The following AGMO variants were observed in gnomAD, a reference collection of about 807,000 sequenced individuals.
AGMO encodes the protein alkylglycerol monooxygenase, also known as glyceryl-ether monooxygenase.
A neutral mutation model predicts 60.2 loss-of-function variants in AGMO; 75 were observed. The ratio of observed to expected loss-of-function variants is 1.25; its 90% CI spans 1.03 to 1.51. The LOEUF (loss-of-function observed/expected upper bound fraction) is 1.51. Ranked by LOEUF, AGMO falls within the 40% of genes most tolerant of loss-of-function variation. The pLI, the probability that AGMO is intolerant of heterozygous loss-of-function variation, is 0.00. For synonymous variants in AGMO, 261 were observed against 177.1 expected (o/e 1.47, Z -3.76); for missense variants, 763 against 525.5 (o/e 1.45, Z -4.42).
intron 12 of AGMO, among the ~76,000 whole-genome samples, chr7:15,344,795 T>C (rs887632622): frequency 1.3e-5 from 2 of 152,216 alleles, no homozygotes; most frequent in East Asian, 3.8e-4. Flanking sequence ...ACTTGAGTAG[T>C]GTGATGCGTT....
At chr7:15,462,395 G>C (rs1782165906) in intron 3 of AGMO, among the ~76,000 whole-genome samples, 1 of 151,966 alleles carries the variant, frequency 6.6e-6, no homozygotes, top group African/African-American at 2.4e-5. Context: ...TTATTATTTT[G>C]CTGGAAAATC....
chr7:15,156,682 G>A, the AGMO span, among the ~76,000 whole-genome samples: 26 of 152,084 alleles, frequency 1.7e-4, no homozygotes, highest in South Asian at 6.2e-4. Flanking sequence ...CTTCATGCTC[G>A]GCAACCACAT....
intron 12 of AGMO, among the ~76,000 whole-genome samples, chr7:15,285,958 A>G (rs1157261929): frequency 1.3e-5 from 2 of 152,148 alleles, no homozygotes; most frequent in Non-Finnish European, 2.9e-5. Context: ...AAAGCATTCA[A>G]AAATATAAAT....
the AGMO span, among the ~76,000 whole-genome samples, chr7:15,141,401 G>C: frequency 6.6e-5 from 10 of 152,094 alleles, no homozygotes; most frequent in Non-Finnish European, 1.3e-4. Context: ...CTTGGCAAAC[G>C]ATGAAACCAC....
At chr7:15,404,800 T>C (rs1043453198) in intron 5 of AGMO, among the ~76,000 whole-genome samples, 1 of 151,850 alleles carries the variant, frequency 6.6e-6, no homozygotes, top group African/African-American at 2.4e-5. Context: ...AGTCAACAAA[T>C]ATTATTGATT....
chr7:15,190,124 TATTTATATA>T, the AGMO span, among the ~76,000 whole-genome samples: 1 of 1,482 alleles, frequency 6.7e-4, no homozygotes, highest in African/African-American at 2.4e-3. Context: ...TATATATATA[TATTTATATA>T]TATATATATA....
chr7:15,178,643 C>T, the AGMO span, among the ~76,000 whole-genome samples: 1 of 152,004 alleles, frequency 6.6e-6, no homozygotes, highest in East Asian at 1.9e-4. Flanking sequence ...TACATAAGTG[C>T]AGCTTCTTGA....
At chr7:15,201,926 T>C (rs1346096276) in intron 12 of AGMO, among the ~76,000 whole-genome samples, 1 of 152,142 alleles carries the variant, frequency 6.6e-6, no homozygotes, top group Non-Finnish European at 1.5e-5. Context: ...CTGAATCATA[T>C]TAAGCAGCCT....
chr7:15,404,634 C>T (rs181939226), intron 5 of AGMO, among the ~76,000 whole-genome samples: 3 of 151,692 alleles, frequency 2.0e-5, no homozygotes, highest in Non-Finnish European at 4.4e-5. Flanking sequence ...TAAAAGAAGG[C>T]AACTGAAAAA....
At chr7:15,499,690 C>T (rs552469217) in intron 3 of AGMO, among the ~76,000 whole-genome samples, 1 of 151,752 alleles carries the variant, frequency 6.6e-6, no homozygotes, top group South Asian at 2.1e-4. Context: ...GGGATATATG[C>T]ACGAGGCTAT....
intron 12 of AGMO, among the ~76,000 whole-genome samples, chr7:15,203,496 T>TC (rs1781358433): frequency 6.6e-6 from 1 of 152,016 alleles, no homozygotes; most frequent in Non-Finnish European, 1.5e-5. Flanking sequence ...TTTTTTCTTT[T>TC]CTTTTTTTTT....
At chr7:15,395,475 GA>G (rs1784335920) in intron 5 of AGMO, among the ~76,000 whole-genome samples, 1 of 151,936 alleles carries the variant, frequency 6.6e-6, no homozygotes, top group Admixed American at 6.6e-5. Context: ...GTATTAATAG[GA>G]AAAAATATTT....
At chr7:15,414,993 AT>A (rs1249372988) in intron 5 of AGMO, among the ~76,000 whole-genome samples, 35 of 152,222 alleles carry the variant, frequency 2.3e-4, no homozygotes, top group African/African-American at 8.2e-4. Context: ...TAATTCAAGA[AT>A]ATCACAGAAT....
intron 3 of AGMO, among the ~76,000 whole-genome samples, chr7:15,518,101 G>A (rs980578244): frequency 6.6e-6 from 1 of 152,216 alleles, no homozygotes; most frequent in Non-Finnish European, 1.5e-5. Flanking sequence ...ACTGTAGCCA[G>A]ACTGCCTCTC....
chr7:15,557,423 C>G (rs935364158), intron 2 of AGMO, among the ~76,000 whole-genome samples: 4 of 152,046 alleles, frequency 2.6e-5, no homozygotes, highest in African/African-American at 9.7e-5. Flanking sequence ...CCGTGTTAAT[C>G]TAACCCTCAG....
chr7:15,205,195 A>T (rs1252275897), intron 12 of AGMO, among the ~76,000 whole-genome samples: 13 of 152,174 alleles, frequency 8.5e-5, no homozygotes, highest in Non-Finnish European at 1.3e-4. Context: ...TATATTTATC[A>T]ATAAGCAACC....
chr7:15,466,819 G>A (rs1274876845), intron 3 of AGMO, among the ~76,000 whole-genome samples: 1 of 152,110 alleles, frequency 6.6e-6, no homozygotes, highest in African/African-American at 2.4e-5. Context: ...GATACAGTTG[G>A]TTCAAGCAAA....
intron 10 of AGMO, among the ~76,000 whole-genome samples, chr7:15,378,873 C>T (rs1783564328): frequency 6.6e-6 from 1 of 151,970 alleles, no homozygotes; most frequent in Non-Finnish European, 1.5e-5. Flanking sequence ...AAGTAAAACA[C>T]TACTCAGCAA....
At chr7:15,333,359 G>C (rs956937860) in intron 12 of AGMO, among the ~76,000 whole-genome samples, 1 of 152,096 alleles carries the variant, frequency 6.6e-6, no homozygotes, top group Middle Eastern at 3.4e-3. Flanking sequence ...ATGTTTTTCT[G>C]GTCTTAGAAA....
Sources: allele counts gnomAD v4.1 joint callset (sites outside exome capture counted in the v4.1 genomes callset), GRCh38; gene constraint gnomAD v4.1.1; transcripts MANE v1.5; gene names NCBI Gene and HGNC (gene_info 2026-07-23, HGNC 2026-07-21).